The following PPP2R3B variants were observed in gnomAD, a reference collection of about 807,000 sequenced individuals.
The protein encoded by PPP2R3B is serine/threonine-protein phosphatase 2A regulatory subunit B'' subunit beta.
Under a neutral mutation model 72.9 loss-of-function variants are expected in PPP2R3B, and 68 were observed. That is an observed-to-expected ratio of 0.93 (90% CI 0.77 to 1.14). The LOEUF is 1.14. PPP2R3B is among the 50% of genes most tolerant of loss of function. The probability of loss-of-function intolerance (pLI) is 0.00; values close to 1 mark genes in which losing one functional copy is unlikely to be tolerated. For missense variants in PPP2R3B, 1,018 were observed against 842.0 expected (o/e 1.21, Z -2.59); for synonymous variants, 466 against 375.8 (o/e 1.24, Z -2.78).
chrX:367,429 CT>C (rs113231924), intron 1 of PPP2R3B, among the ~76,000 whole-genome samples: 5 of 149,050 alleles, frequency 3.4e-5, no homozygotes, highest in Admixed American at 6.7e-5. Context: ...GTCGACGTTC[CT>C]TTTTTTTTTC....
intron 10 of PPP2R3B, 122 bp from the exon 11 acceptor site, chrX:339,018 C>T (rs537992719): frequency 1.0e-4 from 82 of 821,470 alleles, no homozygotes; most frequent in African/African-American, 8.1e-4. Flanking sequence ...CGGGCTCTCA[C>T]GCCACGTGTT....
chrX:370,031 C>T (rs1007715015), intron 1 of PPP2R3B, among the ~76,000 whole-genome samples: 16 of 152,172 alleles, frequency 1.1e-4, no homozygotes, highest in Non-Finnish European at 2.2e-4. Flanking sequence ...GCATTCTTCT[C>T]GGCCCAGCAC....
Position 368,631 on chromosome X carries a change from G to A in PPP2R3B, c.325-7041C>T, listed in dbSNP as rs768043879. Among the ~76,000 whole-genome samples, 5 of 92,752 alleles carry A rather than the reference G, an allele frequency of 5.4e-5. No individual in the cohort carries two copies. In the East Asian group the frequency reaches 1.6e-3, roughly 30 times the overall value. 60.8% of individuals were successfully genotyped at this position (92,752 alleles called of 152,430 possible). On this transcript the variant is annotated intron_variant, in intron 1 of 12. Coordinates refer to ENST00000390665, the MANE Select transcript of PPP2R3B (RefSeq NM_013239.5). ...GCCGGGACCACCCACCCTGGGCACC[G>A]ACGGGGGGAAGGCCGGGACCACCCA...
At chrX:348,594 G>C (rs766744289) in intron 2 of PPP2R3B, among the ~76,000 whole-genome samples, 64 of 115,458 alleles carry the variant, frequency 5.5e-4, no homozygotes, top group Non-Finnish European at 5.7e-4. Flanking sequence ...AGCAAATACA[G>C]ATTAGCCATG....
rs760701462 is a variant in PPP2R3B, at chrX:341,366, G to T, written c.1116C>A (p.Ile372=). ...AAAACCAGACAAAGTCGGCATAGCT[G>T]ATCTTCCCTTCCTTCTGCACTTTTC... ...RGRKVQKEGK[I]SYADFVWFLI... The change falls in exon 9 of 13, where the codon ATC becomes ATA. Residue 372 remains isoleucine (I), a synonymous_variant. Transcript: ENST00000390665. 6.2e-7 allele frequency: 1 copy of T among 1,612,746 alleles called. No homozygotes were observed. Among genetic ancestry groups the T allele is most frequent in the East Asian group, 2.2e-5 (1 of 44,884 alleles).
chrX:385,331 T>C (rs867146393), intron 1 of PPP2R3B, among the ~76,000 whole-genome samples: 2 of 129,756 alleles, frequency 1.5e-5, no homozygotes, highest in Admixed American at 1.5e-4. Flanking sequence ...TTTTTTTTTT[T>C]TTTTTTTTTT....
At chrX:346,607 C>A in intron 5 of PPP2R3B, 94 bp downstream of exon 5, 6 of 1,248,744 alleles carry the variant, frequency 4.8e-6, no homozygotes, top group Non-Finnish European at 6.7e-6. Context: ...AACCCCGGGC[C>A]CCGCCCGCCC....
chrX:368,552 G>A (rs1323775593), intron 1 of PPP2R3B, among the ~76,000 whole-genome samples: 1 of 124,384 alleles, frequency 8.0e-6, no homozygotes, highest in African/African-American at 3.2e-5. Context: ...CCCACCCCGG[G>A]CACCGACGGG....
Position 345,193 on chromosome X carries a change from C to T in PPP2R3B, c.1036+323G>A, listed in dbSNP as rs1465035252. 2.5e-5 allele frequency: 15 copies of T among 591,326 alleles called. 1 individual carries two copies. Among genetic ancestry groups the T allele is most frequent in the Non-Finnish European group, 9.5e-6 (3 of 314,516 alleles). The allele number at this position is 591,326 out of a possible 1,614,324, so 36.6% of individuals were successfully genotyped here. On this transcript the variant is annotated intron_variant, in intron 7 of 12. Coordinates refer to ENST00000390665, the MANE Select transcript of PPP2R3B (RefSeq NM_013239.5). ...CCTGAGGGAAGGCGTGTGGCCTGCC[C>T]GCCCTTGCTCGGGTGTTAACAAGGA...
chrX:368,945 C>T (rs2071795425), intron 1 of PPP2R3B, among the ~76,000 whole-genome samples: 2 of 152,238 alleles, frequency 1.3e-5, no homozygotes, highest in South Asian at 4.1e-4. Context: ...AGAGATGGAA[C>T]AAACAACACA....
chrX:334,800 T>G, intron 12 of PPP2R3B: 1 of 373,904 alleles, frequency 2.7e-6, no homozygotes. Flanking sequence ...GGCGCGCCTC[T>G]TCCCCAAAGC....
chrX:384,299 CTT>C (rs753521064), intron 1 of PPP2R3B, among the ~76,000 whole-genome samples: 10 of 133,804 alleles, frequency 7.5e-5, no homozygotes, highest in Non-Finnish European at 1.1e-4. Flanking sequence ...TATATATATA[CTT>C]TTTTTTTTTT....
At chrX:342,372 A>C in intron 7 of PPP2R3B, 1 of 169,704 alleles carries the variant, frequency 5.9e-6, no homozygotes, top group Non-Finnish European at 1.2e-5. Context: ...CAGCAACGGG[A>C]GGCGGGAGTG....
At chrX:348,985 C>T (rs1390768316) in intron 2 of PPP2R3B, among the ~76,000 whole-genome samples, 2 of 152,068 alleles carry the variant, frequency 1.3e-5, no homozygotes, top group South Asian at 2.1e-4. Flanking sequence ...AGGCAGAAAT[C>T]CCACACAGAA....
At chrX:385,002 A>AC (rs1245766318) in intron 1 of PPP2R3B, among the ~76,000 whole-genome samples, 56 of 151,492 alleles carry the variant, frequency 3.7e-4, no homozygotes, top group Non-Finnish European at 6.2e-4. Flanking sequence ...AAAAAAAAAA[A>AC]AAAACTGATT....
intron 1 of PPP2R3B, among the ~76,000 whole-genome samples, chrX:375,411 A>G (rs867448236): frequency 0.016 from 2,050 of 125,954 alleles, 63 homozygotes; most frequent in African/African-American, 0.06. Flanking sequence ...CCCACGATGC[A>G]GGATGCAAAC....
chrX:338,538 C>G lies in PPP2R3B; in HGVS notation c.1577+66G>C. The stretch of plus-strand genomic sequence containing the variant: ...CACACACACCCGTCCTCCCACTCAC[C>G]CGTCCTCCCCACTCACCCGTCCTCC... On this transcript the variant is annotated intron_variant, in intron 12 of 12. Transcript: ENST00000390665. The G allele has an allele frequency of 5.6e-6, 7 of 1,260,436 alleles. No individual in the cohort carries two copies. In the South Asian group the frequency reaches 8.2e-5, roughly 15 times the overall value. The allele number at this position is 1,260,436 out of a possible 1,614,324, so 78.1% of individuals were successfully genotyped here.
chrX:363,431 GATCCCACAATGCATCTCCCCGAGCCCACC>G (rs2071593683), intron 1 of PPP2R3B, among the ~76,000 whole-genome samples: 18 of 122,948 alleles, frequency 1.5e-4, no homozygotes, highest in African/African-American at 2.5e-4. Context: ...CCGAGCCCGC[GATCCCACAATGCATCTCCCCGAGCCCACC>G]ATCCCACAAT....
At position 334,262 on chromosome X, in the gene PPP2R3B, TC is replaced by T; in HGVS notation, c.*104del. ...CTGTGAATAAATAAAAGTTTATCAT[TC>T]CGTACAAACGCACTCATTTTCCACA... On this transcript the variant is annotated 3_prime_UTR_variant, in exon 13 of 13. Transcript: ENST00000390665. 1 of 1,260,532 alleles carries T rather than the reference TC, an allele frequency of 7.9e-7. No homozygotes were observed. Among genetic ancestry groups the T allele is most frequent in the Non-Finnish European group, 1.0e-6 (1 of 962,752 alleles). The allele number at this position is 1,260,532 out of a possible 1,614,324, so 78.1% of individuals were successfully genotyped here.
Sources: gnomAD v4.1 joint callset for allele counts (sites outside exome capture counted in the v4.1 genomes callset) on GRCh38, gnomAD v4.1.1 for gene constraint, MANE v1.5 for transcripts, NCBI Gene and HGNC (gene_info 2026-07-23, HGNC 2026-07-21) for gene names.